KLHL24: variants seen among roughly 807,000 people sequenced by gnomAD.
The protein encoded by KLHL24 is kelch-like protein 24.
Under a neutral mutation model 53.4 loss-of-function variants are expected in KLHL24, and 29 were observed. The observed-to-expected ratio is 0.54, with a 90% CI of 0.40 to 0.74. KLHL24 has a LOEUF of 0.74. Among genes scored for constraint, KLHL24 ranks in the 30% least tolerant of loss-of-function variants. The probability of loss-of-function intolerance (pLI) is 0.00; values close to 1 mark genes in which losing one functional copy is unlikely to be tolerated. For synonymous variants in KLHL24, 222 were observed against 253.7 expected, an observed-to-expected ratio of 0.88 and a Z score of 1.19; for missense variants, 504 against 744.0, an observed-to-expected ratio of 0.68 and a Z score of 3.75.
chr3:183,655,030 A>G (rs547923552), intron 3 of KLHL24, among the ~76,000 whole-genome samples: 2 of 152,302 alleles, frequency 1.3e-5, no homozygotes, highest in South Asian at 4.1e-4. Flanking sequence ...GATCCCTCCA[A>G]TGTACGGTTA....
intron 3 of KLHL24, among the ~76,000 whole-genome samples, chr3:183,659,723 T>C (rs1247029638): frequency 2.9e-5 from 2 of 69,086 alleles, no homozygotes; most frequent in African/African-American, 1.8e-4. Context: ...CAGAATAATA[T>C]ATGTGGCAGA....
intron 1 of KLHL24, 62 bp from the exon 2 acceptor site, chr3:183,643,418 G>T (rs1473858355): frequency 1.3e-5 from 2 of 152,174 alleles, no homozygotes; most frequent in Non-Finnish European, 2.9e-5. Flanking sequence ...AGTAAATAAT[G>T]CCAGCTGTAC....
chr3:183,670,346 C>T (rs1358225358), intron 5 of KLHL24, among the ~76,000 whole-genome samples: 1 of 152,136 alleles, frequency 6.6e-6, no homozygotes, highest in Non-Finnish European at 1.5e-5. Context: ...CCTATATAAA[C>T]CATGGATTTT....
At position 183,650,664 on chromosome 3, in the gene KLHL24, G is replaced by T; in HGVS notation, c.308G>T (p.Arg103Leu). Residue 103 changes from arginine to leucine, a missense_variant, in exon 3 of 8, where the codon CGA becomes CTA. Physicochemically the swap from Arg to Leu is moderately radical, Grantham distance 102. Coordinates refer to ENST00000242810, the MANE Select transcript of KLHL24 (RefSeq NM_017644.3). This position sits in a 1 kb window ranked among gnomAD's most constrained non-coding sequence, Gnocchi z 4.5. ...AMFCNDHRESREMLVEINGIL... is the reference protein window; with the variant it reads ...AMFCNDHRESLEMLVEINGIL... ...TTTTGTAATGACCACAGGGAAAGCC[G>T]AGAAATGTTGGTTGAGATCAATGGT... 6.2e-7 allele frequency: 1 copy of T among 1,614,068 alleles called. No homozygotes were observed. The highest frequency in any genetic ancestry group is 8.5e-7 in the Non-Finnish European group (1 of 1,180,028).
intron 3 of KLHL24, among the ~76,000 whole-genome samples, chr3:183,661,064 CAAAAAAA>C (rs755600519): frequency 7.2e-5 from 2 of 27,888 alleles, no homozygotes; most frequent in Non-Finnish European, 1.3e-4. Context: ...GACTCCGTCT[CAAAAAAA>C]AAAAAAAAAA....
At chr3:183,669,328 G>C (rs1462337965) in intron 5 of KLHL24, among the ~76,000 whole-genome samples, 1 of 151,862 alleles carries the variant, frequency 6.6e-6, no homozygotes, top group African/African-American at 2.4e-5. Context: ...CTCCAGCCTG[G>C]GCAACAAGAG....
At chr3:183,648,859 G>A (rs563920893) in intron 2 of KLHL24, among the ~76,000 whole-genome samples, 14 of 152,124 alleles carry the variant, frequency 9.2e-5, no homozygotes, top group South Asian at 2.1e-4. Context: ...AAAATTAGCC[G>A]GGTGTGGTGG....
intron 6 of KLHL24, among the ~76,000 whole-genome samples, chr3:183,671,769 G>C (rs1445920937): frequency 2.0e-5 from 3 of 152,138 alleles, no homozygotes; most frequent in Non-Finnish European, 4.4e-5. Context: ...AGCATCTAAT[G>C]CCTAGCTGGT....
chr3:183,674,546 G>A (rs1366520663), intron 7 of KLHL24, among the ~76,000 whole-genome samples: 1 of 151,950 alleles, frequency 6.6e-6, no homozygotes, highest in African/African-American at 2.4e-5. Context: ...ACTTTTAGTA[G>A]AAACGGGGTT....
At chr3:183,636,799 G>A (rs1409595469) in intron 1 of KLHL24, 2 of 151,926 alleles carry the variant, frequency 1.3e-5, no homozygotes, top group South Asian at 4.1e-4. Context: ...GCTGCGGCCC[G>A]AGTGGAGCCG....
At chr3:183,637,841 T>C (rs1027091910) in intron 1 of KLHL24, among the ~76,000 whole-genome samples, 1 of 152,208 alleles carries the variant, frequency 6.6e-6, no homozygotes, top group African/African-American at 2.4e-5. Context: ...GTATGTTTAG[T>C]AGGGACGGGG....
At chr3:183,671,875 A>G (rs1400527661) in intron 6 of KLHL24, among the ~76,000 whole-genome samples, 2 of 152,196 alleles carry the variant, frequency 1.3e-5, no homozygotes, top group Non-Finnish European at 2.9e-5. Context: ...AGAATTTGTT[A>G]TTTCAGAATT....
chr3:183,678,909 G>A (rs1340996151), intron 7 of KLHL24, among the ~76,000 whole-genome samples, 177 bp from the exon 8 acceptor site: 5 of 142,826 alleles, frequency 3.5e-5, no homozygotes, highest in Non-Finnish European at 7.4e-5. Flanking sequence ...TTTCATTCAT[G>A]CAAAGTTGTC....
chr3:183,675,382 T>C (rs180958330), intron 7 of KLHL24, among the ~76,000 whole-genome samples: 1 of 152,310 alleles, frequency 6.6e-6, no homozygotes, highest in African/African-American at 2.4e-5. Flanking sequence ...GCACTTCAGC[T>C]CCATGGTACA....
At chr3:183,668,538 T>C (rs760996827) in intron 5 of KLHL24, among the ~76,000 whole-genome samples, 7 of 152,178 alleles carry the variant, frequency 4.6e-5, no homozygotes, top group Non-Finnish European at 8.8e-5. Context: ...CCTGGGATGG[T>C]TTAGAATATA....
intron 2 of KLHL24, 91 bp downstream of exon 2, chr3:183,643,633 A>G (rs1252766800): frequency 6.6e-6 from 1 of 152,224 alleles, no homozygotes; most frequent in Non-Finnish European, 1.5e-5. Flanking sequence ...ACTTAAGCCA[A>G]TCAGATAACA....
In KLHL24 at chr3:183,640,332, AT is replaced by A. The variant is rs1392605232; in HGVS notation, c.-124-3140del. ...GGAGAGAAACACTGGAGAAATTCAT[AT>A]TTTTTTTCCTGTGATTTAAGAGACA... On this transcript the variant is annotated intron_variant, in intron 1 of 7. Transcript: ENST00000242810. Among the ~76,000 whole-genome samples, 7 of 151,982 alleles carry A rather than the reference AT, an allele frequency of 4.6e-5. No homozygotes were observed. The South Asian group carries it at 6.2e-4, about 14-fold the overall frequency.
At chr3:183,654,646 A>G (rs1311243003) in intron 3 of KLHL24, among the ~76,000 whole-genome samples, 7 of 152,128 alleles carry the variant, frequency 4.6e-5, no homozygotes, top group Admixed American at 1.3e-4. Context: ...AGTCTTCCAA[A>G]CTGTTCTTTA....
At chr3:183,647,423 TTAAAAAA>T (rs1026493105) in intron 2 of KLHL24, among the ~76,000 whole-genome samples, 2 of 133,328 alleles carry the variant, frequency 1.5e-5, no homozygotes, top group African/African-American at 5.7e-5. Context: ...TCAAAAAAAA[TTAAAAAA>T]TAAAAAATGA....
Sources: allele counts gnomAD v4.1 joint callset (sites outside exome capture counted in the v4.1 genomes callset), GRCh38; gene constraint gnomAD v4.1.1; non-coding constraint Gnocchi (gnomAD v3.1); transcripts MANE v1.5; gene names NCBI Gene and HGNC (gene_info 2026-07-23, HGNC 2026-07-21).